TAFA2: variants seen among roughly 807,000 people sequenced by gnomAD.
TAFA2 encodes TAFA chemokine like family member 2, also known as chemokine-like protein TAFA-2.
A neutral mutation model predicts 18.8 loss-of-function variants in TAFA2; 7 were observed. That is an observed-to-expected ratio of 0.37 (90% CI 0.21 to 0.70). The LOEUF (loss-of-function observed/expected upper bound fraction) is 0.70, where lower values mean the gene tolerates loss of function less well. Ranked by LOEUF, TAFA2 falls within the 30% of genes least tolerant of loss-of-function variation. The probability of loss-of-function intolerance (pLI) is 0.53; values close to 1 mark genes in which losing one functional copy is unlikely to be tolerated. For synonymous variants in TAFA2, 60 were observed against 54.2 expected (o/e 1.11, Z -0.47); for missense variants, 122 against 158.1 (o/e 0.77, Z 1.23).
At chr12:62,167,570 A>T (rs1423464394) in intron 1 of TAFA2, among the ~76,000 whole-genome samples, 1 of 152,064 alleles carries the variant, frequency 6.6e-6, no homozygotes, top group Non-Finnish European at 1.5e-5. Flanking sequence ...TTAAGTTAAA[A>T]CCCTTTAGCC....
rs34859628 is a variant in TAFA2, at chr12:62,035,733, C to CTTTTTTTTT, written c.-2+155517_-2+155525dup. Among the ~76,000 whole-genome samples the CTTTTTTTTT allele has an allele frequency of 5.5e-4, 33 of 60,234 alleles. 1 individual carries two copies. The highest frequency in any genetic ancestry group is 7.5e-4 in the Non-Finnish European group (26 of 34,472). The allele number at this position is 60,234 out of a possible 152,430, so 39.5% of individuals were successfully genotyped here. Reference sequence around the variant, plus strand: ...TGACGCTAGGGGTCAATGATTCTTTCTTTTTTTTTTTTTTTTTTTTTTTTT... The same window carrying CTTTTTTTTT: ...TGACGCTAGGGGTCAATGATTCTTTCTTTTTTTTTTTTTTTTTTTTTTTTTTTTTTTTTT... On this transcript the variant is annotated intron_variant, in intron 1 of 4. Coordinates refer to ENST00000416284, the MANE Select transcript of TAFA2 (RefSeq NM_178539.5).
intron 1 of TAFA2, among the ~76,000 whole-genome samples, chr12:61,893,647 G>A (rs529721758): frequency 2.6e-5 from 4 of 152,156 alleles, no homozygotes; most frequent in Non-Finnish European, 5.9e-5. Context: ...GTGAATATGA[G>A]TCTGTTGGTT....
rs563850499 is a variant in TAFA2 at position 61,778,622 on chromosome 12, C to T, written c.107-23598G>A. Among the ~76,000 whole-genome samples, 4 of 151,998 alleles carry T rather than the reference C, an allele frequency of 2.6e-5. No homozygotes were observed. In the South Asian group the frequency reaches 8.3e-4, roughly 31 times the overall value. Reference sequence around the variant, plus strand: ...CCTGCCCTCAGGGAAAAGACAAACACTGAACAAATTATGACATAGCTTGAA... The same window carrying T: ...CCTGCCCTCAGGGAAAAGACAAACATTGAACAAATTATGACATAGCTTGAA... On this transcript the variant is annotated intron_variant, in intron 2 of 4. Coordinates refer to ENST00000416284, the MANE Select transcript of TAFA2 (RefSeq NM_178539.5).
At chr12:62,130,009 C>T (rs910262823) in intron 1 of TAFA2, among the ~76,000 whole-genome samples, 10 of 151,986 alleles carry the variant, frequency 6.6e-5, no homozygotes, top group African/African-American at 2.4e-4. Context: ...ATCAGATTAA[C>T]CCATAAATCC....
At chr12:61,732,015 A>C (rs181445020) in intron 4 of TAFA2, among the ~76,000 whole-genome samples, 70 of 152,242 alleles carry the variant, frequency 4.6e-4, no homozygotes, top group African/African-American at 1.6e-3. Context: ...ATAATACATA[A>C]AATTTTAATG....
intron 4 of TAFA2, among the ~76,000 whole-genome samples, chr12:61,749,364 C>A (rs993993106): frequency 1.3e-5 from 2 of 152,016 alleles, no homozygotes; most frequent in Non-Finnish European, 2.9e-5. Context: ...TGGATCAAGC[C>A]ATGCATTCTC....
At chr12:61,971,838 G>C (rs569085650) in intron 1 of TAFA2, among the ~76,000 whole-genome samples, 2 of 151,796 alleles carry the variant, frequency 1.3e-5, no homozygotes, top group Non-Finnish European at 2.9e-5. Context: ...AAACTTGCAC[G>C]TTGTGCACAT....
chr12:61,893,114 A>C (rs1875704033), intron 1 of TAFA2, among the ~76,000 whole-genome samples: 1 of 152,224 alleles, frequency 6.6e-6, no homozygotes, highest in Non-Finnish European at 1.5e-5. Context: ...TGCCAGTCAG[A>C]AGAATATGGT....
chr12:61,925,944 A>G (rs749916275), intron 1 of TAFA2, among the ~76,000 whole-genome samples: 15 of 152,200 alleles, frequency 9.9e-5, no homozygotes, highest in Admixed American at 2.6e-4. Context: ...CAAAATATAT[A>G]GACCACTAGC....
At chr12:62,067,769 A>C (rs923909517) in intron 1 of TAFA2, among the ~76,000 whole-genome samples, 1 of 151,834 alleles carries the variant, frequency 6.6e-6, no homozygotes, top group African/African-American at 2.4e-5. Flanking sequence ...ACAGAATTTC[A>C]CTCTCCTTAC....
intron 1 of TAFA2, among the ~76,000 whole-genome samples, chr12:62,219,286 AAAACTGT>A (rs1416509776): frequency 2.0e-5 from 3 of 152,164 alleles, no homozygotes; most frequent in Non-Finnish European, 4.4e-5. Context: ...AGCTTCGGTT[AAAACTGT>A]AAATGAAATC....
chr12:61,922,901 C>G (rs1387223160), intron 1 of TAFA2, among the ~76,000 whole-genome samples: 2 of 152,138 alleles, frequency 1.3e-5, no homozygotes, highest in African/African-American at 4.8e-5. Context: ...GACGCTCGAG[C>G]TTGGTGGGGA....
intron 1 of TAFA2, among the ~76,000 whole-genome samples, chr12:62,248,348 T>C (rs976523553): frequency 2.0e-5 from 3 of 152,178 alleles, no homozygotes; most frequent in Non-Finnish European, 4.4e-5. Context: ...CACAGCAAAG[T>C]AGGAAAACCC....
chr12:61,915,200 G>C (rs74096112), intron 1 of TAFA2, among the ~76,000 whole-genome samples: 1 of 152,046 alleles, frequency 6.6e-6, no homozygotes, highest in African/African-American at 2.4e-5. Context: ...GTGATGTGGC[G>C]TAGTCTAGAC....
rs577472343 is a variant in TAFA2 at position 61,881,542 on chromosome 12, T to C, written c.-1-14116A>G. 3.4e-4 allele frequency among the ~76,000 whole-genome samples: 52 copies of C among 152,270 alleles called. No individual in the cohort carries two copies. The East Asian group carries it at 0.01, about 29-fold the overall frequency. On this transcript the variant is annotated intron_variant, in intron 1 of 4. Transcript: ENST00000416284. ...CAAAACATTGTATGCAGCCTATGAC[T>C]GTACAGAAAAAACTGACTACAAATA...
At chr12:61,859,542 C>A (rs375972233) in intron 2 of TAFA2, among the ~76,000 whole-genome samples, 1 of 152,342 alleles carries the variant, frequency 6.6e-6, no homozygotes, top group African/African-American at 2.4e-5. Flanking sequence ...CTACAGGGCT[C>A]AAGCGATTCT....
intron 1 of TAFA2, among the ~76,000 whole-genome samples, chr12:61,906,306 G>A (rs771596517): frequency 2.6e-5 from 4 of 152,250 alleles, no homozygotes; most frequent in African/African-American, 7.2e-5. Flanking sequence ...TGAATCATGG[G>A]GGTGGGTTTT....
At chr12:62,197,812 A>T (rs775857591) in intron 1 of TAFA2, among the ~76,000 whole-genome samples, 1 of 152,192 alleles carries the variant, frequency 6.6e-6, no homozygotes, top group Non-Finnish European at 1.5e-5. Context: ...GTAGTATTTC[A>T]CATTGTAGAT....
At chr12:61,848,987 A>G (rs939407460) in intron 2 of TAFA2, among the ~76,000 whole-genome samples, 2 of 150,486 alleles carry the variant, frequency 1.3e-5, no homozygotes, top group South Asian at 2.1e-4. Context: ...GATTACAGGC[A>G]CCCGCCACAA....
Sources: gnomAD v4.1 joint callset for allele counts (sites outside exome capture counted in the v4.1 genomes callset) on GRCh38, gnomAD v4.1.1 for gene constraint, MANE v1.5 for transcripts, NCBI Gene and HGNC (gene_info 2026-07-23, HGNC 2026-07-21) for gene names.